CLVS1: variants seen among roughly 807,000 people sequenced by gnomAD.
The protein encoded by CLVS1 is clavesin-1.
CLVS1 carries 10 observed loss-of-function variants against 33.1 expected under a neutral mutation model. That is an observed-to-expected ratio of 0.30 (90% CI 0.19 to 0.51). The LOEUF is 0.51. Among genes scored for constraint, CLVS1 ranks in the 20% least tolerant of loss-of-function variants. CLVS1 has a pLI of 0.97. For synonymous variants in CLVS1, 163 were observed against 166.1 expected (o/e 0.98, Z 0.14); for missense variants, 343 against 433.4 (o/e 0.79, Z 1.85).
At chr8:61,426,959 A>G (rs577824774) in intron 3 of CLVS1, among the ~76,000 whole-genome samples, 4 of 152,338 alleles carry the variant, frequency 2.6e-5, no homozygotes, top group African/African-American at 9.6e-5. Flanking sequence ...GACAGCACAC[A>G]TACATTTGAA....
At chr8:61,426,768 C>A (rs1815911615) in intron 3 of CLVS1, among the ~76,000 whole-genome samples, 1 of 152,188 alleles carries the variant, frequency 6.6e-6, no homozygotes. Flanking sequence ...TTTATCACTA[C>A]ATTGACCACA....
chr8:61,390,544 C>T (rs929162261), intron 3 of CLVS1, among the ~76,000 whole-genome samples: 15 of 152,170 alleles, frequency 9.9e-5, no homozygotes, highest in African/African-American at 3.6e-4. Context: ...GAACCCAAAC[C>T]AACACTGGGT....
the CLVS1 span, among the ~76,000 whole-genome samples, chr8:60,996,645 C>T: frequency 6.6e-6 from 1 of 152,182 alleles, no homozygotes; most frequent in African/African-American, 2.4e-5. Flanking sequence ...TCCCAGGTGA[C>T]GAATGCCACC....
intron 2 of CLVS1, among the ~76,000 whole-genome samples, chr8:61,195,909 A>G (rs1278370517): frequency 6.6e-6 from 1 of 152,186 alleles, no homozygotes; most frequent in Non-Finnish European, 1.5e-5. Context: ...TGTAATTAAA[A>G]CATCTGTGTA....
At chr8:61,429,209 C>T (rs542229685) in intron 3 of CLVS1, among the ~76,000 whole-genome samples, 1 of 152,114 alleles carries the variant, frequency 6.6e-6, no homozygotes, top group African/African-American at 2.4e-5. Context: ...ATCACAAGGT[C>T]AGGAGTTCAA....
chr8:61,474,466 G>T (rs1006517342), intron 5 of CLVS1, among the ~76,000 whole-genome samples: 1 of 152,172 alleles, frequency 6.6e-6, no homozygotes, highest in East Asian at 1.9e-4. Context: ...GATCCAGAAG[G>T]CTTTTTTGTT....
At chr8:61,270,020 A>C (rs969161346) in intron 2 of CLVS1, among the ~76,000 whole-genome samples, 4 of 151,340 alleles carry the variant, frequency 2.6e-5, no homozygotes, top group African/African-American at 9.7e-5. Flanking sequence ...TCTCCTGCCT[A>C]ATTGCCCTGG....
intron 2 of CLVS1, among the ~76,000 whole-genome samples, chr8:61,331,954 G>A (rs1306699204): frequency 6.6e-6 from 1 of 152,052 alleles, no homozygotes; most frequent in Non-Finnish European, 1.5e-5. Flanking sequence ...CCTTGGATGG[G>A]GTGCACTAAA....
At chr8:61,363,758 A>T (rs1258211414) in intron 2 of CLVS1, among the ~76,000 whole-genome samples, 1 of 152,244 alleles carries the variant, frequency 6.6e-6, no homozygotes, top group Non-Finnish European at 1.5e-5. Context: ...TCTTAGAATT[A>T]GGCTGGAGCC....
chr8:61,180,662 C>T (rs904882579), intron 2 of CLVS1, among the ~76,000 whole-genome samples: 7 of 152,192 alleles, frequency 4.6e-5, no homozygotes, highest in Non-Finnish European at 8.8e-5. Context: ...GGTTTCATCC[C>T]TGTGACGCAA....
intron 3 of CLVS1, among the ~76,000 whole-genome samples, chr8:61,441,967 T>C (rs1369206990): frequency 1.3e-5 from 2 of 152,192 alleles, no homozygotes; most frequent in Non-Finnish European, 2.9e-5. Flanking sequence ...GGTTTCTTTT[T>C]TAACATTCCA....
chr8:61,399,287 A>G (rs146224838), intron 3 of CLVS1, among the ~76,000 whole-genome samples: 127 of 152,292 alleles, frequency 8.3e-4, no homozygotes, highest in African/African-American at 2.9e-3. Flanking sequence ...TCTAATGATC[A>G]GTGATGTTAA....
At chr8:61,273,281 G>T (rs1263554756) in intron 2 of CLVS1, among the ~76,000 whole-genome samples, 2 of 152,174 alleles carry the variant, frequency 1.3e-5, no homozygotes, top group Admixed American at 1.3e-4. Context: ...CTGCTGGGGG[G>T]TGCCTCCCAG....
chr8:61,277,441 C>T (rs145861579), intron 2 of CLVS1, among the ~76,000 whole-genome samples: 13 of 152,202 alleles, frequency 8.5e-5, no homozygotes, highest in East Asian at 3.9e-4. Context: ...GTATGACGTC[C>T]GCACACAGAT....
chr8:61,251,418 C>G (rs1000706764), intron 2 of CLVS1, among the ~76,000 whole-genome samples: 1 of 152,162 alleles, frequency 6.6e-6, no homozygotes, highest in African/African-American at 2.4e-5. Flanking sequence ...TAGGATGATA[C>G]TGGCCTCACA....
intron 2 of CLVS1, among the ~76,000 whole-genome samples, chr8:61,322,950 G>A (rs1811252126): frequency 6.6e-6 from 1 of 152,050 alleles, no homozygotes; most frequent in African/African-American, 2.4e-5. Flanking sequence ...TATGTCTCTT[G>A]TGGTACTCCG....
chr8:61,409,729 C>T (rs745567576), intron 3 of CLVS1, among the ~76,000 whole-genome samples: 76 of 152,116 alleles, frequency 5.0e-4, no homozygotes, highest in Non-Finnish European at 9.1e-4. Context: ...GTTGGGGGGA[C>T]GGTGCGCTAA....
chr8:61,290,864 G>A (rs1281822705), intron 1 of CLVS1, among the ~76,000 whole-genome samples: 1 of 152,162 alleles, frequency 6.6e-6, no homozygotes, highest in Non-Finnish European at 1.5e-5. Context: ...AATATTGCTT[G>A]TTTTGATTAT....
the CLVS1 span, among the ~76,000 whole-genome samples, chr8:61,048,454 G>A: frequency 6.6e-6 from 1 of 152,224 alleles, no homozygotes; most frequent in Non-Finnish European, 1.5e-5. Context: ...AGGGTGGGTT[G>A]CAGCAGGTAC....
Sources: allele counts gnomAD v4.1 joint callset (sites outside exome capture counted in the v4.1 genomes callset), GRCh38; gene constraint gnomAD v4.1.1; transcripts MANE v1.5; gene names NCBI Gene and HGNC (gene_info 2026-07-23, HGNC 2026-07-21).